SLC4A5: variants seen among roughly 807,000 people sequenced by gnomAD.
SLC4A5 encodes the protein electrogenic sodium bicarbonate cotransporter 4.
SLC4A5 carries 96 observed loss-of-function variants against 120.4 expected under a neutral mutation model. The observed-to-expected ratio is 0.80, with a 90% confidence interval of 0.68 to 0.94. The LOEUF (loss-of-function observed/expected upper bound fraction) is 0.94, where lower values mean the gene tolerates loss of function less well. Among genes scored for constraint, SLC4A5 ranks in the 40% least tolerant of loss-of-function variants. SLC4A5 has a pLI of 0.00. For missense variants in SLC4A5, 1,259 were observed against 1,459.5 expected, an observed-to-expected ratio of 0.86 and a Z score of 2.24; for synonymous variants, 550 against 571.1, an observed-to-expected ratio of 0.96 and a Z score of 0.53.
exon 27 of SLC4A5, chr2:74,227,062 G>A (rs201067528): frequency 8.1e-6 from 13 of 1,614,136 alleles, no homozygotes; most frequent in Admixed American, 3.3e-5. Context: ...GCAGCGGCAC[G>A]TGCCGCAGGA....
chr2:74,261,720 T>A (rs1040617478), intron 11 of SLC4A5, among the ~76,000 whole-genome samples: 15 of 152,152 alleles, frequency 9.9e-5, no homozygotes, highest in African/African-American at 3.4e-4. Flanking sequence ...CATGGTGGCA[T>A]GAGACTGCCA....
chr2:74,249,714 C>T (rs13024188), intron 17 of SLC4A5, among the ~76,000 whole-genome samples: 90,919 of 151,972 alleles, frequency 0.6, 27,818 homozygotes, highest in African/African-American at 0.71. Context: ...GCTGTGTGAA[C>T]TGGGGGATCC....
exon 17 of SLC4A5, chr2:74,250,473 C>G: frequency 6.2e-7 from 1 of 1,614,194 alleles, no homozygotes; most frequent in Non-Finnish European, 8.5e-7. Flanking sequence ...ACTTGGGAAC[C>G]AGGGCAACTT....
intron 11 of SLC4A5, 93 bp downstream of exon 11, chr2:74,262,043 TG>T: frequency 1.7e-6 from 2 of 1,161,594 alleles, no homozygotes; most frequent in Non-Finnish European, 2.4e-6. Flanking sequence ...TGGCAGATCC[TG>T]GGCTTTGTCT....
At chr2:74,220,924 T>C (rs1289486413) in intron 30 of SLC4A5, among the ~76,000 whole-genome samples, 2 of 147,924 alleles carry the variant, frequency 1.4e-5, no homozygotes, top group South Asian at 2.2e-4. Context: ...TACTGCAAGC[T>C]CTGCCTCCTG....
At chr2:74,269,383 TTTG>T (rs1671404198) in intron 8 of SLC4A5, among the ~76,000 whole-genome samples, 1 of 144,926 alleles carries the variant, frequency 6.9e-6, no homozygotes, top group African/African-American at 2.8e-5. Flanking sequence ...TTGTTTTTTG[TTTG>T]TTTGTTTGTT....
chr2:74,305,629 T>C (rs1422222659), intron 6 of SLC4A5, among the ~76,000 whole-genome samples: 1 of 152,078 alleles, frequency 6.6e-6, no homozygotes, highest in Non-Finnish European at 1.5e-5. Context: ...CATCTACAAT[T>C]ATATATCATA....
At chr2:74,328,210 T>C in intron 4 of SLC4A5, 24 bp from the exon 5 acceptor site, 1 of 985,558 alleles carries the variant, frequency 1.0e-6, no homozygotes, top group Non-Finnish European at 1.2e-6. Context: ...AGAAGGGCTC[T>C]CTGTGGTTTC....
At chr2:74,335,350 A>T (rs1165050530) in intron 3 of SLC4A5, among the ~76,000 whole-genome samples, 1 of 152,202 alleles carries the variant, frequency 6.6e-6, no homozygotes, top group Admixed American at 6.5e-5. Context: ...GAGGCCACAG[A>T]GGAAATGTGG....
At chr2:74,321,719 C>T (rs1327022064) in intron 5 of SLC4A5, among the ~76,000 whole-genome samples, 1 of 151,424 alleles carries the variant, frequency 6.6e-6, no homozygotes, top group Non-Finnish European at 1.5e-5. Context: ...AACAACCATT[C>T]CCTCTTCTGC....
chr2:74,284,751 C>T (rs1213538172), intron 8 of SLC4A5, among the ~76,000 whole-genome samples: 3 of 152,124 alleles, frequency 2.0e-5, no homozygotes, highest in Non-Finnish European at 2.9e-5. Flanking sequence ...GCAGTGCCAA[C>T]CATTCTTACC....
intron 7 of SLC4A5, among the ~76,000 whole-genome samples, chr2:74,300,798 G>A (rs1372036618): frequency 6.6e-6 from 1 of 152,206 alleles, no homozygotes; most frequent in Non-Finnish European, 1.5e-5. Flanking sequence ...GCAGCAAGGG[G>A]CTGCTTTCCA....
chr2:74,257,636 G>C (rs923393270), intron 12 of SLC4A5, among the ~76,000 whole-genome samples: 1 of 152,172 alleles, frequency 6.6e-6, no homozygotes, highest in Non-Finnish European at 1.5e-5. Flanking sequence ...CTGGAGTGCA[G>C]TGGCACCATC....
At chr2:74,328,760 A>G (rs559315073) in intron 4 of SLC4A5, among the ~76,000 whole-genome samples, 3 of 152,346 alleles carry the variant, frequency 2.0e-5, no homozygotes, top group South Asian at 4.1e-4. Flanking sequence ...AGGACTGCTG[A>G]GATGTTGATA....
chr2:74,253,251 TCA>T, intron 14 of SLC4A5, 123 bp from the exon 15 acceptor site: 2 of 1,202,838 alleles, frequency 1.7e-6, no homozygotes, highest in South Asian at 1.4e-5. Context: ...CAACTCACTC[TCA>T]GTTTTTGGAA....
chr2:74,253,229 AT>A, intron 14 of SLC4A5, 101 bp from the exon 15 acceptor site: 1 of 1,375,958 alleles, frequency 7.3e-7, no homozygotes, highest in Non-Finnish European at 9.9e-7. Context: ...TTTGAACCAC[AT>A]CTCCCACTGC....
intron 27 of SLC4A5, among the ~76,000 whole-genome samples, 187 bp downstream of exon 27, chr2:74,226,770 A>G (rs577307354): frequency 6.6e-6 from 1 of 151,516 alleles, no homozygotes; most frequent in East Asian, 1.9e-4. Flanking sequence ...TCTCTGCCCC[A>G]CCCCACACCA....
rs554260598 is a variant in SLC4A5 at position 74,334,909 on chromosome 2, A to T, written c.-220-732T>A. On this transcript the variant is annotated intron_variant, in intron 3 of 30. Transcript: ENST00000394019. Reference sequence around the variant, plus strand: ...ATTACACCCTCAGGAAGAAGCTCACATGTGTATCCTGAGGAGGCGGGGAGG... The same window carrying T: ...ATTACACCCTCAGGAAGAAGCTCACTTGTGTATCCTGAGGAGGCGGGGAGG... Among the ~76,000 whole-genome samples, 605 of 152,268 alleles carry T rather than the reference A, an allele frequency of 4.0e-3. 4 individuals carry two copies. The highest frequency in any genetic ancestry group is 9.1e-3 in the South Asian group (44 of 4,824).
chr2:74,219,492 C>A (rs1694556869), intron 30 of SLC4A5, among the ~76,000 whole-genome samples: 1 of 152,140 alleles, frequency 6.6e-6, no homozygotes, highest in Admixed American at 6.6e-5. Context: ...TGTTGCAGAG[C>A]CTTTCACTGA....
Sources: gnomAD v4.1 joint callset for allele counts (sites outside exome capture counted in the v4.1 genomes callset) on GRCh38, gnomAD v4.1.1 for gene constraint, MANE v1.5 for transcripts, NCBI Gene and HGNC (gene_info 2026-07-23, HGNC 2026-07-21) for gene names.